The following USP4 variants were observed in gnomAD, a reference collection of about 807,000 sequenced individuals.
USP4 encodes the protein ubiquitin specific peptidase 4.
USP4 carries 72 observed loss-of-function variants against 118.2 expected under a neutral mutation model. The observed-to-expected ratio is 0.61, with a 90% confidence interval of 0.50 to 0.74. USP4 has a LOEUF of 0.74. Among genes scored for constraint, USP4 ranks in the 30% least tolerant of loss-of-function variants. USP4 has a pLI of 0.00. For missense variants in USP4, 1,037 were observed against 1,185.7 expected, an observed-to-expected ratio of 0.87 and a Z score of 1.84; for synonymous variants, 415 against 440.4, an observed-to-expected ratio of 0.94 and a Z score of 0.72.
chr3:49,332,944 A>G (rs1425001594), intron 2 of USP4, among the ~76,000 whole-genome samples: 3 of 151,236 alleles, frequency 2.0e-5, no homozygotes, highest in African/African-American at 7.3e-5. Flanking sequence ...AGATGGGAGG[A>G]TCACCTGAGC....
intron 20 of USP4, 85 bp downstream of exon 20, chr3:49,280,659 T>G: frequency 9.1e-7 from 1 of 1,100,288 alleles, no homozygotes; most frequent in Non-Finnish European, 1.4e-6. Flanking sequence ...AAGCAAAGCA[T>G]TTAGGGCAAT....
At chr3:49,280,460 C>A (rs892590075) in intron 20 of USP4, among the ~76,000 whole-genome samples, 2 of 150,268 alleles carry the variant, frequency 1.3e-5, no homozygotes, top group Admixed American at 1.3e-4. Context: ...ACTCAGGAGG[C>A]TGAGGCAGGA....
intron 1 of USP4, among the ~76,000 whole-genome samples, chr3:49,336,165 C>CTTTTTT (rs34604530): frequency 1.2e-5 from 1 of 83,014 alleles, no homozygotes; most frequent in Non-Finnish European, 2.2e-5. Context: ...CACCTGGCCT[C>CTTTTTT]TTTTTTTTTT....
rs1018432750 is a variant in USP4 at position 49,336,329 on chromosome 3, G to T, written c.102-733C>A. Among the ~76,000 whole-genome samples, 21 of 147,816 alleles carry T rather than the reference G, an allele frequency of 1.4e-4. No homozygotes were observed. The East Asian group carries it at 2.4e-3, about 17-fold the overall frequency. On this transcript the variant is annotated intron_variant, in intron 1 of 21. Transcript: ENST00000265560. ...TGGGATTACAGGCATGCATCACCAG[G>T]CCCAGCTAATTTTTTTGTATTTTTA...
intron 6 of USP4, among the ~76,000 whole-genome samples, chr3:49,316,435 T>G (rs909314197): frequency 6.6e-6 from 1 of 152,012 alleles, no homozygotes; most frequent in Non-Finnish European, 1.5e-5. Context: ...TTCTCATGCC[T>G]CAGCCTCCCG....
At chr3:49,309,941 A>ATCT (rs2047365678) in intron 8 of USP4, among the ~76,000 whole-genome samples, 1 of 15,398 alleles carries the variant, frequency 6.5e-5, no homozygotes, top group East Asian at 3.0e-3. Flanking sequence ...CTTTTTTTTA[A>ATCT]TCTTTTTTTT....
At chr3:49,311,272 C>T (rs987273271) in intron 7 of USP4, among the ~76,000 whole-genome samples, 6 of 152,322 alleles carry the variant, frequency 3.9e-5, no homozygotes, top group East Asian at 1.9e-4. Context: ...CCCCACCCTC[C>T]GAGACTACCT....
chr3:49,339,550 G>A (rs781389994), intron 1 of USP4, among the ~76,000 whole-genome samples: 16 of 152,160 alleles, frequency 1.1e-4, no homozygotes, highest in Admixed American at 6.5e-5. Context: ...GCCAAATATT[G>A]CTATCCTGGT....
At chr3:49,319,301 T>G (rs1313178418) in intron 6 of USP4, among the ~76,000 whole-genome samples, 2 of 152,112 alleles carry the variant, frequency 1.3e-5, no homozygotes, top group African/African-American at 4.8e-5. Context: ...CAGGCTGGAG[T>G]GCAGTGGCGC....
chr3:49,339,158 A>C (rs1400096718), intron 1 of USP4, among the ~76,000 whole-genome samples: 1 of 152,216 alleles, frequency 6.6e-6, no homozygotes, highest in African/African-American at 2.4e-5. Flanking sequence ...AAAACAAAAC[A>C]AAACAAACAA....
chr3:49,304,790 G>C (rs2047295664), intron 9 of USP4, among the ~76,000 whole-genome samples: 1 of 151,574 alleles, frequency 6.6e-6, no homozygotes, highest in Non-Finnish European at 1.5e-5. Context: ...TTGAGACAGA[G>C]TCTCACTCTG....
Position 49,300,462 on chromosome 3 carries a change from G to A in USP4, c.1512+5C>T. On this transcript the variant is annotated splice_donor_5th_base_variant and intron_variant, in intron 11 of 21. Coordinates refer to ENST00000265560, the MANE Select transcript of USP4 (RefSeq NM_003363.4). ...GGGGTGCCATAAGGGTGTGGATTCT[G>A]TCACCTGAGTAGGTCTGCAGTGAGG... 1 of 1,613,702 alleles carries A rather than the reference G, an allele frequency of 6.2e-7. No homozygotes were observed. Among genetic ancestry groups the A allele is most frequent in the Non-Finnish European group, 8.5e-7 (1 of 1,179,612 alleles).
Position 49,297,969 on chromosome 3 carries a change from G to T in USP4, c.1597-5C>A, listed in dbSNP as rs763291844. The stretch of plus-strand genomic sequence containing the variant: ...ATACACATCTGCGACCACCATCTAA[G>T]AATGAACAGTAACAGAAAGACCACA... On this transcript the variant is annotated splice_polypyrimidine_tract_variant and splice_region_variant and intron_variant, in intron 12 of 21. Transcript: ENST00000265560. The T allele has an allele frequency of 1.3e-5, 21 of 1,602,414 alleles. No homozygotes were observed. In the East Asian group the frequency reaches 4.5e-4, roughly 34 times the overall value.
At chr3:49,279,094 T>TC in intron 20 of USP4, 192 bp from the exon 21 acceptor site, 1 of 373,002 alleles carries the variant, frequency 2.7e-6, no homozygotes, top group East Asian at 4.4e-5. Context: ...TCAAAAAGGA[T>TC]CAAAAGGCTA....
intron 4 of USP4, 108 bp downstream of exon 4, chr3:49,325,611 G>GT (rs2047545729): frequency 2.0e-6 from 3 of 1,481,812 alleles, no homozygotes; most frequent in Non-Finnish European, 2.7e-6. Flanking sequence ...GATGATTTGG[G>GT]TAACAAATCT....
chr3:49,303,484 C>T (rs1299607980), intron 9 of USP4, among the ~76,000 whole-genome samples: 1 of 149,612 alleles, frequency 6.7e-6, no homozygotes, highest in African/African-American at 2.5e-5. Context: ...CTGTTCTACA[C>T]CTGTTCTCTA....
intron 2 of USP4, among the ~76,000 whole-genome samples, chr3:49,329,002 ACC>A (rs1278715739): frequency 1.3e-5 from 2 of 150,784 alleles, no homozygotes; most frequent in East Asian, 1.9e-4. Context: ...GGGTAGTGAA[ACC>A]CCGTCTCTAC....
chr3:49,332,625 G>A (rs917354325), intron 2 of USP4, among the ~76,000 whole-genome samples: 1 of 152,040 alleles, frequency 6.6e-6, no homozygotes, highest in Non-Finnish European at 1.5e-5. Context: ...GAGGCAGGCG[G>A]ATCACTTAAG....
chr3:49,321,115 C>A (rs546602500), intron 6 of USP4, among the ~76,000 whole-genome samples: 1 of 147,268 alleles, frequency 6.8e-6, no homozygotes, highest in African/African-American at 2.4e-5. Flanking sequence ...TGACTGCCTA[C>A]GTCAGAAATT....
Sources: allele counts gnomAD v4.1 joint callset (sites outside exome capture counted in the v4.1 genomes callset), GRCh38; gene constraint gnomAD v4.1.1; transcripts MANE v1.5; gene names NCBI Gene and HGNC (gene_info 2026-07-23, HGNC 2026-07-21).